The following GCA variants were observed in gnomAD, a reference collection of about 807,000 sequenced individuals.
GCA encodes grancalcin, EF-hand calcium-binding protein.
GCA carries 30 observed loss-of-function variants against 32.6 expected under a neutral mutation model. The ratio of observed to expected loss-of-function variants is 0.92; its 90% CI spans 0.69 to 1.25. The LOEUF is 1.25. Among genes scored for constraint, GCA ranks in the 50% most tolerant of loss-of-function variants. The pLI, the probability that GCA is intolerant of heterozygous loss-of-function variation, is 0.00. For missense variants in GCA, 291 were observed against 266.8 expected (o/e 1.09, Z -0.63); for synonymous variants, 102 against 84.6 (o/e 1.21, Z -1.13).
At chr2:162,368,839 A>G (rs1022861807) in intron 4 of GCA, among the ~76,000 whole-genome samples, 2 of 152,038 alleles carry the variant, frequency 1.3e-5, no homozygotes, top group African/African-American at 4.8e-5. Context: ...TAAAAACCCC[A>G]TGAGAATTGT....
Position 162,362,876 on chromosome 2 carries a change from C to G in GCA, c.*2633C>G, listed in dbSNP as rs1685634914. ...TAATTTCAAGGATTTCTCATTTGACCTATTTACACATGCATCCAGAAAAAA... is the reference window on the plus strand; with the variant it reads ...TAATTTCAAGGATTTCTCATTTGACGTATTTACACATGCATCCAGAAAAAA... On this transcript the variant is annotated 3_prime_UTR_variant, in exon 8 of 8. Transcript: ENST00000437150. Among the ~76,000 whole-genome samples the G allele has an allele frequency of 6.6e-6, 1 of 151,098 alleles. No individual in the cohort carries two copies. Among genetic ancestry groups the G allele is most frequent in the African/African-American group, 2.4e-5 (1 of 41,244 alleles).
At chr2:162,332,387 T>A (rs1684128795) in intron 1 of GCA, among the ~76,000 whole-genome samples, 1 of 147,128 alleles carries the variant, frequency 6.8e-6, no homozygotes. Context: ...TTATATAATA[T>A]ATATAAAAAT....
At chr2:162,335,414 C>CAAAA (rs573005587) in intron 1 of GCA, among the ~76,000 whole-genome samples, 3 of 58,280 alleles carry the variant, frequency 5.1e-5, no homozygotes, top group African/African-American at 1.6e-4. Flanking sequence ...GACTCTGTCT[C>CAAAA]AAAAAAAAAA....
At chr2:162,364,730 C>A (rs1380592782), downstream of GCA, among the ~76,000 whole-genome samples, 1 of 151,186 alleles carries the variant, frequency 6.6e-6, no homozygotes, top group African/African-American at 2.4e-5. Flanking sequence ...AATAGAGAAG[C>A]AACAGGGGGA....
In GCA at chr2:162,360,736, A is replaced by G; in HGVS notation, c.*493A>G. On this transcript the variant is annotated 3_prime_UTR_variant, in exon 8 of 8. Coordinates refer to ENST00000437150, the MANE Select transcript of GCA (RefSeq NM_012198.5). ...TTGTAATATAGTTTGTTCCTTGATC[A>G]AATAATCAGAGAAAAGAAACTTAAA... 1 of 1,398,274 alleles carries G rather than the reference A, an allele frequency of 7.2e-7. No homozygotes were observed. Among genetic ancestry groups the G allele is most frequent in the East Asian group, 2.8e-5 (1 of 35,908 alleles). 86.6% of individuals were successfully genotyped at this position (1,398,274 alleles called of 1,614,324 possible). A position where few individuals can be genotyped will look rare whatever the true frequency, so the allele number is the denominator to read the frequency against.
At chr2:162,339,547 C>T (rs376282338), upstream of GCA, among the ~76,000 whole-genome samples, 12 of 152,278 alleles carry the variant, frequency 7.9e-5, no homozygotes, top group African/African-American at 2.9e-4. Flanking sequence ...TTGCATGCTG[C>T]AACCCCAACC....
At position 162,344,134 on chromosome 2, in the gene GCA, T is replaced by A. The variant is rs1479415798; in HGVS notation, c.-115T>A. 1.8e-6 allele frequency: 2 copies of A among 1,092,712 alleles called. No homozygotes were observed. The highest frequency in any genetic ancestry group is 2.8e-6 in the Non-Finnish European group (2 of 723,080). 67.7% of individuals were successfully genotyped at this position (1,092,712 alleles called of 1,614,324 possible). On this transcript the variant is annotated 5_prime_UTR_variant, in exon 1 of 8. Transcript: ENST00000437150. Reference sequence around the variant, plus strand: ...TCGGAGGAGTGAACTGTGCGGTTAGTGCGCCTTTCAGCCTCACCTGCAGCT... The same window carrying A: ...TCGGAGGAGTGAACTGTGCGGTTAGAGCGCCTTTCAGCCTCACCTGCAGCT...
At chr2:162,323,021 C>A (rs574090898) in intron 1 of GCA, among the ~76,000 whole-genome samples, 3 of 151,990 alleles carry the variant, frequency 2.0e-5, no homozygotes, top group Non-Finnish European at 4.4e-5. Flanking sequence ...TACAGTCCCA[C>A]CAACAGTGCA....
chr2:162,335,767 A>G (rs1684249973), intron 1 of GCA, among the ~76,000 whole-genome samples: 1 of 152,234 alleles, frequency 6.6e-6, no homozygotes, highest in African/African-American at 2.4e-5. Context: ...AAGAAGTTGC[A>G]TTATATATTC....
chr2:162,360,822 A>G lies in GCA; in HGVS notation c.*579A>G, dbSNP rs1685539514. 3.3e-6 allele frequency: 4 copies of G among 1,224,084 alleles called. No homozygotes were observed. Among genetic ancestry groups the G allele is most frequent in the Non-Finnish European group, 3.1e-6 (3 of 962,932 alleles). The allele number at this position is 1,224,084 out of a possible 1,614,324, so 75.8% of individuals were successfully genotyped here. A position where few individuals can be genotyped will look rare whatever the true frequency, so the allele number is the denominator to read the frequency against. On this transcript the variant is annotated 3_prime_UTR_variant, in exon 8 of 8. Coordinates refer to ENST00000437150, the MANE Select transcript of GCA (RefSeq NM_012198.5). ...GTTCAATCTGTAGTGAAATAAGACT[A>G]CAGAAGGCATTGTTTTTTCCTTTTT...
At chr2:162,345,092 C>CGTGGTGGTG (rs1558892988) in intron 1 of GCA, among the ~76,000 whole-genome samples, 1 of 46,398 alleles carries the variant, frequency 2.2e-5, no homozygotes, top group Non-Finnish European at 5.3e-5. Context: ...CCTTGGAGTT[C>CGTGGTGGTG]ATGGTGGTGG....
In GCA at chr2:162,360,598, A is replaced by G. The variant is rs1685527907; in HGVS notation, c.*355A>G. The G allele has an allele frequency of 8.4e-7, 1 of 1,196,778 alleles. No homozygotes were observed. Among genetic ancestry groups the G allele is most frequent in the East Asian group, 3.1e-5 (1 of 31,814 alleles). The allele number at this position is 1,196,778 out of a possible 1,614,324, so 74.1% of individuals were successfully genotyped here. ...AAGAAGCCAAATAATGAAAGCCTAG[A>G]AAAAACTAATTTATACTTATCTGAA... On this transcript the variant is annotated 3_prime_UTR_variant, in exon 8 of 8. Transcript: ENST00000437150.
At chr2:162,328,767 C>T (rs758264450) in intron 1 of GCA, among the ~76,000 whole-genome samples, 5 of 152,182 alleles carry the variant, frequency 3.3e-5, no homozygotes, top group African/African-American at 9.7e-5. Context: ...CTGTATCTTG[C>T]GTTCTTGCCT....
chr2:162,344,232 C>CG lies in GCA; in HGVS notation c.-16dup, dbSNP rs1355515920. The CG allele has an allele frequency of 5.0e-6, 8 of 1,613,562 alleles. No homozygotes were observed. The Admixed American group carries it at 1.0e-4, about 20-fold the overall frequency. ...CGCGACTCGAGGGTGACGCTCGCTCCGCTCGTCCCGCTCGTCATGGCCTAC... is the reference window on the plus strand; with the variant it reads ...CGCGACTCGAGGGTGACGCTCGCTCCGGCTCGTCCCGCTCGTCATGGCCTAC... On this transcript the variant is annotated 5_prime_UTR_variant, in exon 1 of 8. Transcript: ENST00000437150.
At chr2:162,324,991 A>G (rs1297034523) in intron 1 of GCA, among the ~76,000 whole-genome samples, 2 of 148,972 alleles carry the variant, frequency 1.3e-5, no homozygotes, top group Admixed American at 7.0e-5. Flanking sequence ...GCTTCTAGGC[A>G]TGGGAGAAAA....
In GCA at chr2:162,363,046, A is replaced by G. The variant is rs1243294898; in HGVS notation, c.*2803A>G. 1.3e-5 allele frequency among the ~76,000 whole-genome samples: 2 copies of G among 151,508 alleles called. No homozygotes were observed. Among genetic ancestry groups the G allele is most frequent in the Non-Finnish European group, 3.0e-5 (2 of 67,584 alleles). ...ATTTGTGATTATTTCTTTAAGTAAAATATAAGACATTAAGTTTGCCTGTAA... is the reference window on the plus strand; with the variant it reads ...ATTTGTGATTATTTCTTTAAGTAAAGTATAAGACATTAAGTTTGCCTGTAA... On this transcript the variant is annotated 3_prime_UTR_variant, in exon 8 of 8. Coordinates refer to ENST00000437150, the MANE Select transcript of GCA (RefSeq NM_012198.5).
chr2:162,332,628 A>C (rs1309462812), intron 1 of GCA, among the ~76,000 whole-genome samples: 1 of 152,128 alleles, frequency 6.6e-6, no homozygotes, highest in African/African-American at 2.4e-5. Flanking sequence ...GGTTCAGGAA[A>C]GAGAATGAGG....
At position 162,360,743 on chromosome 2, in the gene GCA, C is replaced by T; in HGVS notation, c.*500C>T. 7.2e-7 allele frequency: 1 copy of T among 1,396,790 alleles called. No homozygotes were observed. Among genetic ancestry groups the T allele is most frequent in the Non-Finnish European group, 9.3e-7 (1 of 1,076,368 alleles). The allele number at this position is 1,396,790 out of a possible 1,614,324, so 86.5% of individuals were successfully genotyped here. A position where few individuals can be genotyped will look rare whatever the true frequency, so the allele number is the denominator to read the frequency against. Reference sequence around the variant, plus strand: ...ATAGTTTGTTCCTTGATCAAATAATCAGAGAAAAGAAACTTAAAGATCTTT... The same window carrying T: ...ATAGTTTGTTCCTTGATCAAATAATTAGAGAAAAGAAACTTAAAGATCTTT... On this transcript the variant is annotated 3_prime_UTR_variant, in exon 8 of 8. Coordinates refer to ENST00000437150, the MANE Select transcript of GCA (RefSeq NM_012198.5).
intron 1 of GCA, among the ~76,000 whole-genome samples, chr2:162,322,039 G>C (rs1683692202): frequency 6.7e-6 from 1 of 149,690 alleles, no homozygotes; most frequent in East Asian, 1.9e-4. Context: ...TAGCAGGAAA[G>C]TTTATTAAAA....
Sources: allele counts gnomAD v4.1 joint callset (sites outside exome capture counted in the v4.1 genomes callset), GRCh38; gene constraint gnomAD v4.1.1; transcripts MANE v1.5; gene names NCBI Gene and HGNC (gene_info 2026-07-23, HGNC 2026-07-21).